KPNA3: variants seen among roughly 807,000 people sequenced by gnomAD.
KPNA3 encodes the protein importin subunit alpha-4.
A neutral mutation model predicts 73.8 loss-of-function variants in KPNA3; 13 were observed. The ratio of observed to expected loss-of-function variants is 0.18; its 90% confidence interval spans 0.11 to 0.28. KPNA3 has a LOEUF of 0.28. Ranked by LOEUF, KPNA3 falls within the 10% of genes least tolerant of loss-of-function variation. KPNA3 has a pLI of 1.00. For synonymous variants in KPNA3, 186 were observed against 206.9 expected (o/e 0.90, Z 0.87); for missense variants, 360 against 618.1 (o/e 0.58, Z 4.43).
At chr13:49,734,808 T>C (rs1249334352) in intron 2 of KPNA3, among the ~76,000 whole-genome samples, 2 of 152,150 alleles carry the variant, frequency 1.3e-5, no homozygotes, top group African/African-American at 4.8e-5. Flanking sequence ...AAATTTTCTA[T>C]CTCTTCTTGT....
chr13:49,760,109 C>T (rs1354365046), intron 1 of KPNA3, among the ~76,000 whole-genome samples: 3 of 152,162 alleles, frequency 2.0e-5, no homozygotes, highest in Non-Finnish European at 4.4e-5. Context: ...GGCCAATACA[C>T]ATGTCAAGTG....
intron 1 of KPNA3, among the ~76,000 whole-genome samples, chr13:49,790,038 G>A (rs186141635): frequency 7.0e-4 from 107 of 152,282 alleles, no homozygotes; most frequent in Admixed American, 2.0e-3. Context: ...TAAACTCCCT[G>A]AAGTACAGAC....
chr13:49,717,484 T>C (rs1230191626), intron 10 of KPNA3, among the ~76,000 whole-genome samples: 4 of 151,200 alleles, frequency 2.6e-5, no homozygotes, highest in African/African-American at 9.7e-5. Flanking sequence ...AATTAACTCC[T>C]TAGCGAACGT....
intron 14 of KPNA3, 122 bp downstream of exon 14, chr13:49,705,975 TA>T: frequency 9.3e-7 from 1 of 1,072,902 alleles, no homozygotes; most frequent in Non-Finnish European, 1.3e-6. Flanking sequence ...CTCCATCTCT[TA>T]AAATAATAAT....
chr13:49,704,421 AATAAATAAATAAAAAATAAAT>A (rs1456846769), intron 15 of KPNA3, among the ~76,000 whole-genome samples: 1 of 106,724 alleles, frequency 9.4e-6, no homozygotes, highest in Non-Finnish European at 2.0e-5. Flanking sequence ...TCAAAAAAAA[AATAAATAAATAAAAAATAAAT>A]AAATAAATAA....
intron 10 of KPNA3, 48 bp downstream of exon 10, chr13:49,719,727 T>C: frequency 1.5e-6 from 2 of 1,292,268 alleles, no homozygotes; most frequent in Non-Finnish European, 2.2e-6. Flanking sequence ...AAACCCTTTC[T>C]GTCCCATCAA....
At chr13:49,706,396 CA>C in intron 12 of KPNA3, 24 bp from the exon 13 acceptor site, 2 of 1,484,180 alleles carry the variant, frequency 1.3e-6, no homozygotes, top group Non-Finnish European at 1.9e-6. Context: ...AAATATAGGG[CA>C]CCTTTATTTG....
At chr13:49,791,991 C>T (rs1955037200) in intron 1 of KPNA3, among the ~76,000 whole-genome samples, 2 of 152,228 alleles carry the variant, frequency 1.3e-5, no homozygotes, top group Admixed American at 6.5e-5. Flanking sequence ...AGAGCCGAGG[C>T]TCCATGTGAG....
chr13:49,714,575 A>G (rs1208642666), intron 10 of KPNA3, among the ~76,000 whole-genome samples: 3 of 152,130 alleles, frequency 2.0e-5, no homozygotes, highest in African/African-American at 7.2e-5. Context: ...TAACTCCACA[A>G]AAAAGTACCA....
chr13:49,701,728 G>A lies in KPNA3; in HGVS notation c.*72C>T. On this transcript the variant is annotated 3_prime_UTR_variant, in exon 17 of 17. Transcript: ENST00000261667. ...TGTTTTGGAGCCTTTTGTTGCTGTT[G>A]TTCTTATCATTTGGTAGCCATCTGG... 1.1e-6 allele frequency: 1 copy of A among 928,098 alleles called. No homozygotes were observed. 57.5% of individuals were successfully genotyped at this position (928,098 alleles called of 1,614,324 possible). A position where few individuals can be genotyped will look rare whatever the true frequency, so the allele number is the denominator to read the frequency against.
intron 1 of KPNA3, among the ~76,000 whole-genome samples, chr13:49,767,816 GA>G (rs1237186620): frequency 2.0e-5 from 3 of 152,144 alleles, no homozygotes; most frequent in Admixed American, 1.3e-4. Context: ...AGTCCTTACT[GA>G]ACATCTACAA....
chr13:49,747,789 C>G (rs188687439), intron 1 of KPNA3, among the ~76,000 whole-genome samples: 4 of 152,184 alleles, frequency 2.6e-5, no homozygotes, highest in Non-Finnish European at 5.9e-5. Flanking sequence ...TCTGTATTTA[C>G]TGGATATCTG....
intron 15 of KPNA3, among the ~76,000 whole-genome samples, chr13:49,704,564 CAATAG>C (rs1207180506): frequency 6.6e-6 from 1 of 151,470 alleles, no homozygotes; most frequent in East Asian, 1.9e-4. Context: ...AATAAATAAA[CAATAG>C]AATATTCATA....
chr13:49,704,437 ATAAATAAATAAAT>A (rs1954184297), intron 15 of KPNA3, among the ~76,000 whole-genome samples: 9 of 4,674 alleles, frequency 1.9e-3, no homozygotes, highest in African/African-American at 0.019. Flanking sequence ...TAAATAAAAA[ATAAATAAATAAAT>A]AAATAAATAA....
intron 11 of KPNA3, 58 bp downstream of exon 11, chr13:49,710,833 T>C (rs188742097): frequency 3.4e-6 from 5 of 1,468,616 alleles, no homozygotes; most frequent in East Asian, 2.3e-5. Context: ...GCTGTACAAG[T>C]TAACTGGTTA....
intron 1 of KPNA3, among the ~76,000 whole-genome samples, chr13:49,783,540 C>T (rs952349787): frequency 2.6e-5 from 4 of 152,092 alleles, no homozygotes; most frequent in Admixed American, 2.6e-4. Context: ...GTCAGCCCTA[C>T]GAATCCACAG....
chr13:49,760,808 G>A (rs186422562), intron 1 of KPNA3, among the ~76,000 whole-genome samples: 1 of 152,254 alleles, frequency 6.6e-6, no homozygotes, highest in East Asian at 1.9e-4. Context: ...ACTGATAGGG[G>A]AAGTTTCACT....
intron 1 of KPNA3, among the ~76,000 whole-genome samples, chr13:49,782,131 A>C (rs1257303157): frequency 6.6e-6 from 1 of 152,228 alleles, no homozygotes; most frequent in Non-Finnish European, 1.5e-5. Flanking sequence ...CAGAGGCAGG[A>C]GCACCTACAT....
chr13:49,733,684 A>G (rs1954493185), intron 2 of KPNA3, among the ~76,000 whole-genome samples: 3 of 152,222 alleles, frequency 2.0e-5, no homozygotes, highest in Admixed American at 2.0e-4. Flanking sequence ...GACTGTAGGC[A>G]TGGCTGTGTG....
Sources: allele counts gnomAD v4.1 joint callset (sites outside exome capture counted in the v4.1 genomes callset), GRCh38; gene constraint gnomAD v4.1.1; transcripts MANE v1.5; gene names NCBI Gene and HGNC (gene_info 2026-07-23, HGNC 2026-07-21).